NRP1: variants seen among roughly 807,000 people sequenced by gnomAD.
The protein encoded by NRP1 is neuropilin 1, also known as neuropilin-1.
A neutral mutation model predicts 106.7 loss-of-function variants in NRP1; 35 were observed. The ratio of observed to expected loss-of-function variants is 0.33; its 90% confidence interval spans 0.25 to 0.43. NRP1 has a LOEUF of 0.43. NRP1 is among the 20% of genes least tolerant of loss of function. The pLI, the probability that NRP1 is intolerant of heterozygous loss-of-function variation, is 1.00. For synonymous variants in NRP1, 437 were observed against 417.9 expected, an observed-to-expected ratio of 1.05 and a Z score of -0.56; for missense variants, 1,024 against 1,170.4, an observed-to-expected ratio of 0.87 and a Z score of 1.83.
intron 2 of NRP1, among the ~76,000 whole-genome samples, chr10:33,307,696 G>A (rs555313279): frequency 9.9e-5 from 15 of 152,134 alleles, no homozygotes; most frequent in African/African-American, 3.6e-4. Flanking sequence ...GCATACAGAT[G>A]TTCATTCCAT....
At chr10:33,186,592 C>T in intron 13 of NRP1, 104 bp from the exon 14 acceptor site, 1 of 1,334,856 alleles carries the variant, frequency 7.5e-7, no homozygotes, top group Admixed American at 2.2e-5. Flanking sequence ...CGCTGAGCAC[C>T]AAGAACCCAA....
At chr10:33,288,947 C>G (rs1371327859) in intron 2 of NRP1, among the ~76,000 whole-genome samples, 1 of 152,074 alleles carries the variant, frequency 6.6e-6, no homozygotes, top group Non-Finnish European at 1.5e-5. Flanking sequence ...TAGGAAATAT[C>G]TTCCTACTTA....
At chr10:33,334,201 A>T (rs1848469405) in intron 1 of NRP1, 109 bp downstream of exon 1, 1 of 930,168 alleles carries the variant, frequency 1.1e-6, no homozygotes, top group African/African-American at 1.7e-5. Flanking sequence ...TTCGCCCGGG[A>T]GTCGGTTGTT....
chr10:33,275,164 A>G (rs1843592242), intron 2 of NRP1, among the ~76,000 whole-genome samples: 1 of 152,204 alleles, frequency 6.6e-6, no homozygotes, highest in Non-Finnish European at 1.5e-5. Flanking sequence ...TGTTCTAATC[A>G]TGATGTATGA....
chr10:33,249,084 GTTT>G (rs750905931), intron 6 of NRP1, among the ~76,000 whole-genome samples: 34 of 72,202 alleles, frequency 4.7e-4, no homozygotes, highest in Admixed American at 3.0e-3. Context: ...TATGTCTCTT[GTTT>G]TTTTTTTTTT....
At position 33,287,620 on chromosome 10, in the gene NRP1, A is replaced by G. The variant is rs2132602321; in HGVS notation, c.249-16764T>C. The stretch of plus-strand genomic sequence containing the variant: ...CAGCTATATCCCCATCACTATTGAG[A>G]TAGCTAGTTGACTTGATAAGACCAT... On this transcript the variant is annotated intron_variant, in intron 2 of 16. Transcript: ENST00000374867. Among the ~76,000 whole-genome samples, 4 of 152,318 alleles carry G rather than the reference A, an allele frequency of 2.6e-5. No individual in the cohort carries two copies. The South Asian group carries it at 8.3e-4, about 32-fold the overall frequency.
chr10:33,193,146 T>C (rs533965086), intron 12 of NRP1, among the ~76,000 whole-genome samples: 1 of 152,310 alleles, frequency 6.6e-6, no homozygotes, highest in East Asian at 1.9e-4. Flanking sequence ...TTTTCTTTTT[T>C]TTAATGTTCA....
At position 33,186,491 on chromosome 10, in the gene NRP1, G is replaced by C; in HGVS notation, c.2063-3C>G. 2 of 1,607,226 alleles carry C rather than the reference G, an allele frequency of 1.2e-6. No individual in the cohort carries two copies. Among genetic ancestry groups the C allele is most frequent in the Non-Finnish European group, 1.7e-6 (2 of 1,175,680 alleles). On this transcript the variant is annotated splice_polypyrimidine_tract_variant and splice_region_variant and intron_variant, in intron 13 of 16. Transcript: ENST00000374867. ...GGAATAGATGAAGTTGCCATCTCCT[G>C]CTGTGACAAAGAACTGTGTTAGGGA...
chr10:33,216,199 G>A (rs1459759583), intron 8 of NRP1, among the ~76,000 whole-genome samples: 1 of 150,642 alleles, frequency 6.6e-6, no homozygotes, highest in African/African-American at 2.4e-5. Context: ...GTGCAGTGGG[G>A]CGATCTTGGC....
chr10:33,204,104 G>A (rs1393076727), intron 10 of NRP1, among the ~76,000 whole-genome samples: 2 of 151,984 alleles, frequency 1.3e-5, no homozygotes, highest in African/African-American at 2.4e-5. Flanking sequence ...TTGGCATTAC[G>A]TTTCACTTTA....
At position 33,215,036 on chromosome 10, in the gene NRP1, G is replaced by T. The variant is rs185625096; in HGVS notation, c.1283-1319C>A. On this transcript the variant is annotated intron_variant, in intron 8 of 16. Coordinates refer to ENST00000374867, the MANE Select transcript of NRP1 (RefSeq NM_003873.7). ...TTATGTATATTTTACCCCGACAATA[G>T]AAAAGAGATATCTTTTGAAAATGTA... 1.8e-4 allele frequency among the ~76,000 whole-genome samples: 28 copies of T among 152,294 alleles called. 1 individual carries two copies. The highest frequency in any genetic ancestry group is 5.5e-4 in the African/African-American group (23 of 41,568).
At chr10:33,290,742 G>C (rs1844935626) in intron 2 of NRP1, among the ~76,000 whole-genome samples, 1 of 152,102 alleles carries the variant, frequency 6.6e-6, no homozygotes, top group Non-Finnish European at 1.5e-5. Flanking sequence ...TCACAAACGA[G>C]ATACCAGAGT....
intron 2 of NRP1, among the ~76,000 whole-genome samples, chr10:33,293,136 T>C (rs1845123250): frequency 6.6e-6 from 1 of 152,254 alleles, no homozygotes. Context: ...ACTAAAATAA[T>C]AAAATCTACT....
intron 2 of NRP1, among the ~76,000 whole-genome samples, chr10:33,307,417 A>T (rs551165612): frequency 1.5e-4 from 23 of 152,316 alleles, no homozygotes; most frequent in African/African-American, 5.5e-4. Context: ...GCAAAGCCTA[A>T]AATATTTCCT....
chr10:33,278,666 A>G (rs1843889178), intron 2 of NRP1, among the ~76,000 whole-genome samples: 1 of 152,360 alleles, frequency 6.6e-6, no homozygotes, highest in South Asian at 2.1e-4. Flanking sequence ...AAGAAATTAT[A>G]ATCGCATATA....
intron 8 of NRP1, among the ~76,000 whole-genome samples, chr10:33,215,476 G>A (rs1459383774): frequency 6.6e-6 from 1 of 152,168 alleles, no homozygotes; most frequent in Admixed American, 6.5e-5. Flanking sequence ...TGAGCACAAG[G>A]AGAGTATCAG....
chr10:33,220,896 GTC>G (rs1839181239), intron 8 of NRP1, among the ~76,000 whole-genome samples: 1 of 90,002 alleles, frequency 1.1e-5, no homozygotes, highest in Non-Finnish European at 2.1e-5. Flanking sequence ...GCAAGGCTCA[GTC>G]TCAAAAAAAA....
intron 15 of NRP1, among the ~76,000 whole-genome samples, chr10:33,185,127 T>C (rs1172548624): frequency 6.6e-6 from 1 of 152,224 alleles, no homozygotes; most frequent in South Asian, 2.1e-4. Context: ...GTCCTTTAAG[T>C]CATTTCAGAT....
At chr10:33,224,399 T>C (rs1839494157) in intron 7 of NRP1, among the ~76,000 whole-genome samples, 2 of 151,140 alleles carry the variant, frequency 1.3e-5, no homozygotes, top group South Asian at 4.2e-4. Context: ...GCCCGTATGG[T>C]TTTTTTTTCC....
Sources: allele counts gnomAD v4.1 joint callset (sites outside exome capture counted in the v4.1 genomes callset), GRCh38; gene constraint gnomAD v4.1.1; transcripts MANE v1.5; gene names NCBI Gene and HGNC (gene_info 2026-07-23, HGNC 2026-07-21).